LOC400499: variants seen among roughly 807,000 people sequenced by gnomAD.
chr16:11,394,178 G>T, the LOC400499 span, among the ~76,000 whole-genome samples: 1 of 152,230 alleles, frequency 6.6e-6, no homozygotes, highest in African/African-American at 2.4e-5. Context: ...GTCTAAGCAA[G>T]GAGACACGGG....
the LOC400499 span, chr16:11,384,205 C>T: frequency 3.8e-5 from 46 of 1,223,124 alleles, no homozygotes; most frequent in Non-Finnish European, 4.3e-5. Context: ...CAGGCAGGTG[C>T]ACCCGCTCAC....
chr16:11,430,655 G>A, the LOC400499 span, among the ~76,000 whole-genome samples: 12 of 152,148 alleles, frequency 7.9e-5, no homozygotes, highest in South Asian at 2.1e-4. Context: ...GGGGCTGTGC[G>A]ATTCTTTGCA....
chr16:11,515,070 C>G, the LOC400499 span, among the ~76,000 whole-genome samples: 52 of 152,208 alleles, frequency 3.4e-4, no homozygotes, highest in African/African-American at 1.2e-3. Flanking sequence ...CTTGGGGAAG[C>G]CAAGGTGGCC....
At chr16:11,507,278 G>A in the LOC400499 span, among the ~76,000 whole-genome samples, 4 of 152,164 alleles carry the variant, frequency 2.6e-5, no homozygotes, top group East Asian at 3.9e-4. Flanking sequence ...TGGTTGCCAC[G>A]GACTGCAGGT....
the LOC400499 span, among the ~76,000 whole-genome samples, chr16:11,480,020 T>G: frequency 2.0e-5 from 3 of 152,178 alleles, no homozygotes; most frequent in African/African-American, 7.2e-5. Flanking sequence ...AGAGAAACAT[T>G]GGGCTGCCCA....
the LOC400499 span, chr16:11,494,507 C>G: frequency 2.5e-6 from 1 of 395,374 alleles, no homozygotes; most frequent in East Asian, 3.6e-5. Context: ...CCACCTGGAG[C>G]TTGCCTGATT....
chr16:11,398,440 A>G, the LOC400499 span: 1 of 1,232,280 alleles, frequency 8.1e-7, no homozygotes, highest in Non-Finnish European at 1.0e-6. Flanking sequence ...TGACGGGTAC[A>G]AGAGGCCCCG....
chr16:11,399,053 T>A, the LOC400499 span, among the ~76,000 whole-genome samples: 2 of 152,046 alleles, frequency 1.3e-5, no homozygotes, highest in Non-Finnish European at 2.9e-5. Flanking sequence ...CTCTCCCCAT[T>A]TCTCCATGGC....
chr16:11,462,066 ACC>A, the LOC400499 span: 4 of 1,398,840 alleles, frequency 2.9e-6, no homozygotes, highest in Middle Eastern at 1.8e-4. Context: ...GGGCCACCAC[ACC>A]CTAACCTGGC....
chr16:11,376,789 G>T, the LOC400499 span, among the ~76,000 whole-genome samples: 251 of 152,206 alleles, frequency 1.6e-3, no homozygotes, highest in African/African-American at 5.8e-3. Flanking sequence ...GAGTAGTATT[G>T]ACATCTTAAT....
At chr16:11,436,712 C>T in the LOC400499 span, among the ~76,000 whole-genome samples, 8 of 152,010 alleles carry the variant, frequency 5.3e-5, no homozygotes, top group African/African-American at 1.2e-4. Context: ...CTCAGCCTCC[C>T]GAGTAGCTGG....
the LOC400499 span, chr16:11,471,650 C>T: frequency 5.0e-6 from 2 of 398,974 alleles, no homozygotes; most frequent in East Asian, 3.6e-5. Flanking sequence ...TGTCTAGGGC[C>T]CACCTGGGGC....
the LOC400499 span, chr16:11,396,810 C>G: frequency 1.5e-6 from 1 of 686,208 alleles, no homozygotes; most frequent in Non-Finnish European, 2.0e-6. Context: ...CAGCTGACCT[C>G]TAAGAAACGC....
At chr16:11,405,130 T>A in the LOC400499 span, among the ~76,000 whole-genome samples, 3 of 152,174 alleles carry the variant, frequency 2.0e-5, no homozygotes, top group East Asian at 5.8e-4. Flanking sequence ...GGCCAAGCTG[T>A]GTGGCTCTGG....
the LOC400499 span, among the ~76,000 whole-genome samples, chr16:11,525,569 G>C: frequency 2.0e-5 from 3 of 152,038 alleles, no homozygotes; most frequent in African/African-American, 7.2e-5. Flanking sequence ...CGGACACTGG[G>C]CACCAAATTA....
the LOC400499 span, among the ~76,000 whole-genome samples, chr16:11,421,728 C>T: frequency 2.0e-5 from 3 of 152,018 alleles, no homozygotes; most frequent in East Asian, 1.9e-4. Context: ...AATAGACAAA[C>T]GCATAGGGAC....
chr16:11,483,463 T>TAAGCAATAAAAAGCAATAAA, the LOC400499 span, among the ~76,000 whole-genome samples: 1 of 152,150 alleles, frequency 6.6e-6, no homozygotes, highest in Non-Finnish European at 1.5e-5. Context: ...GGAATACCAT[T>TAAGCAATAAAAAGCAATAAA]AAGCAATAAA....
At chr16:11,420,930 C>T in the LOC400499 span, among the ~76,000 whole-genome samples, 1 of 152,206 alleles carries the variant, frequency 6.6e-6, no homozygotes, top group Non-Finnish European at 1.5e-5. Context: ...GGGCTCTGAT[C>T]ATGTGCCACC....
At chr16:11,390,450 T>G in the LOC400499 span, 1 of 1,246,064 alleles carries the variant, frequency 8.0e-7, no homozygotes. Flanking sequence ...CATCCTTCAG[T>G]GTGGCCAGGG....
Sources: gnomAD v4.1 joint callset for allele counts (sites outside exome capture counted in the v4.1 genomes callset) on GRCh38, gnomAD v4.1.1 for gene constraint, MANE v1.5 for transcripts.